FAS: variants seen among roughly 807,000 people sequenced by gnomAD.
FAS encodes tumor necrosis factor receptor superfamily member 6.
FAS carries 5 observed loss-of-function variants against 33.2 expected under a neutral mutation model. The observed-to-expected ratio is 0.15, with a 90% CI of 0.08 to 0.32. FAS has a LOEUF of 0.32. Among genes scored for constraint, FAS ranks in the 10% least tolerant of loss-of-function variants. The pLI, the probability that FAS is intolerant of heterozygous loss-of-function variation, is 1.00. For synonymous variants in FAS, 131 were observed against 130.7 expected (o/e 1.00, Z -0.01); for missense variants, 339 against 386.0 (o/e 0.88, Z 1.02).
At position 89,007,715 on chromosome 10, in the gene FAS, G is replaced by C. The variant is rs1848308330; in HGVS notation, c.212G>C (p.Arg71Thr). The C allele has an allele frequency of 6.2e-7, 1 of 1,613,812 alleles. No individual in the cohort carries two copies. The highest frequency in any genetic ancestry group is 8.5e-7 in the Non-Finnish European group (1 of 1,179,940). The stretch of plus-strand genomic sequence containing the variant: ...CCTTGGGCAGGTGAAAGGAAAGCTA[G>C]GGACTGCACAGTCAATGGGGATGAA... ...KPCPPGERKA[R>T]DCTVNGDEPD... Residue 71 changes from arginine to threonine, a missense_variant, in exon 3 of 9, where the codon AGG (arginine) becomes ACG (threonine). Coordinates refer to ENST00000652046, the MANE Select transcript of FAS (RefSeq NM_000043.6).
At chr10:89,003,240 A>ATCTCT in intron 2 of FAS, 46 bp downstream of exon 2, 1 of 1,606,746 alleles carries the variant, frequency 6.2e-7, no homozygotes, top group Non-Finnish European at 8.5e-7. Context: ...AGTCACAGTT[A>ATCTCT]GGAGTAGCAC....
chr10:88,973,233 C>A, exon 2 of FAS: 1 of 1,612,482 alleles, frequency 6.2e-7, no homozygotes, highest in South Asian at 1.1e-5. Context: ...GGAGATGGAG[C>A]CCCTGAAAAT....
chr10:88,965,693 C>A (rs1387082804), intron 1 of FAS, among the ~76,000 whole-genome samples: 1 of 152,142 alleles, frequency 6.6e-6, no homozygotes, highest in Non-Finnish European at 1.5e-5. Context: ...GACCATCATG[C>A]TTTCCCCTGC....
chr10:88,997,758 T>C (rs949298306), intron 1 of FAS, among the ~76,000 whole-genome samples: 14 of 152,158 alleles, frequency 9.2e-5, no homozygotes, highest in African/African-American at 3.4e-4. Flanking sequence ...CAAGTGTTGA[T>C]AAGTAACTGA....
rs1848310557 is a variant in FAS, at chr10:89,007,734, G to A, written c.231G>A (p.Gly77=). 1 of 1,613,960 alleles carries A rather than the reference G, an allele frequency of 6.2e-7. No homozygotes were observed. ...ERKARDCTVN[G]DEPDCVPCQE... ...AAGCTAGGGACTGCACAGTCAATGG[G>A]GATGAACCAGACTGCGTGCCCTGCC... Residue 77 remains glycine (G), a synonymous_variant, in exon 3 of 9, where the codon GGG becomes GGA. Transcript: ENST00000652046.
chr10:89,005,885 T>C (rs1029848111), intron 2 of FAS, among the ~76,000 whole-genome samples: 2 of 152,164 alleles, frequency 1.3e-5, no homozygotes, highest in African/African-American at 4.8e-5. Context: ...GTGATCTGCC[T>C]GCCTTGGCCT....
At chr10:89,008,560 A>G (rs1848364702) in intron 3 of FAS, among the ~76,000 whole-genome samples, 1 of 152,186 alleles carries the variant, frequency 6.6e-6, no homozygotes, top group Non-Finnish European at 1.5e-5. Context: ...GGTAGAGCCT[A>G]ACATTCTACA....
chr10:88,989,566 C>G, upstream of FAS: 1 of 541,738 alleles, frequency 1.8e-6, no homozygotes, highest in Non-Finnish European at 3.7e-6. Flanking sequence ...CTATCAACAC[C>G]TACAAGACTG....
chr10:88,967,584 G>A (rs1401290049), intron 1 of FAS, among the ~76,000 whole-genome samples: 1 of 152,082 alleles, frequency 6.6e-6, no homozygotes, highest in African/African-American at 2.4e-5. Context: ...TACCTGCAAC[G>A]CAGCTTGGCA....
upstream of FAS, among the ~76,000 whole-genome samples, chr10:88,983,305 A>T (rs1846757715): frequency 6.6e-6 from 1 of 152,138 alleles, no homozygotes; most frequent in Admixed American, 6.5e-5. Flanking sequence ...AGTCAATATG[A>T]CCCGGAATTT....
upstream of FAS, chr10:88,989,464 A>G (rs747775315): frequency 3.7e-6 from 2 of 541,876 alleles, no homozygotes; most frequent in Non-Finnish European, 7.3e-6. Flanking sequence ...TTTTGTGTCT[A>G]TTAGATGCTC....
At chr10:89,012,640 G>GA in intron 7 of FAS, 1 of 157,648 alleles carries the variant, frequency 6.3e-6, no homozygotes. Context: ...AAAATGAGCT[G>GA]AAAAAAGAAC....
chr10:88,988,855 C>A (rs1926198), upstream of FAS, among the ~76,000 whole-genome samples: 150,716 of 152,278 alleles, frequency 0.99, 74,590 homozygotes, highest in East Asian at 1. Flanking sequence ...GTTTTGGATT[C>A]AGAAAGTTTT....
At chr10:88,983,489 G>C (rs1242329146), upstream of FAS, among the ~76,000 whole-genome samples, 1 of 151,882 alleles carries the variant, frequency 6.6e-6, no homozygotes, top group Non-Finnish European at 1.5e-5. Context: ...GTTCACTTCT[G>C]TTACCTAGTA....
At chr10:88,999,495 A>T (rs1380050008) in intron 1 of FAS, among the ~76,000 whole-genome samples, 1 of 152,240 alleles carries the variant, frequency 6.6e-6, no homozygotes. Flanking sequence ...AATAAAGTGC[A>T]CTTTCAAAAA....
upstream of FAS, chr10:88,990,679 C>A (rs1847115059): frequency 4.2e-6 from 3 of 710,072 alleles, no homozygotes; most frequent in South Asian, 1.5e-5. This position sits in a 1 kb window ranked among gnomAD's most constrained non-coding sequence, Gnocchi z 4.9. Context: ...CACAGGTGTT[C>A]AAAGACGCTT....
At chr10:88,998,340 A>T (rs1847721355) in intron 1 of FAS, among the ~76,000 whole-genome samples, 2 of 90,658 alleles carry the variant, frequency 2.2e-5, no homozygotes, top group African/African-American at 8.0e-5. Context: ...CTTTAGTTAA[A>T]AAAAAGCAAA....
chr10:88,991,229 G>C (rs1489066301), intron 1 of FAS: 2 of 510,850 alleles, frequency 3.9e-6, no homozygotes, highest in East Asian at 3.4e-5. Context: ...GTGGGGTGCG[G>C]ACAGGAATTG....
At chr10:89,008,685 C>A (rs571527846) in intron 3 of FAS, among the ~76,000 whole-genome samples, 1 of 152,314 alleles carries the variant, frequency 6.6e-6, no homozygotes, top group Admixed American at 6.5e-5. Flanking sequence ...TGAGGTTTGT[C>A]TTGGTTGCTG....
Sources: gnomAD v4.1 joint callset for allele counts (sites outside exome capture counted in the v4.1 genomes callset) on GRCh38, gnomAD v4.1.1 for gene constraint, Gnocchi (gnomAD v3.1) non-coding constraint, MANE v1.5 for transcripts, NCBI Gene and HGNC (gene_info 2026-07-23, HGNC 2026-07-21) for gene names.